KCNC2: variants seen among roughly 807,000 people sequenced by gnomAD.
KCNC2 encodes potassium voltage-gated channel subfamily C member 2, also known as voltage-gated potassium channel KCNC2.
In KCNC2, 21 loss-of-function variants were observed where a neutral mutation model predicts 44.5. The ratio of observed to expected loss-of-function variants is 0.47; its 90% CI spans 0.33 to 0.68. The LOEUF is 0.68. Among genes scored for constraint, KCNC2 ranks in the 30% least tolerant of loss-of-function variants. KCNC2 has a pLI of 0.01. For synonymous variants in KCNC2, 391 were observed against 339.1 expected, an observed-to-expected ratio of 1.15 and a Z score of -1.68; for missense variants, 589 against 826.2, an observed-to-expected ratio of 0.71 and a Z score of 3.52.
At chr12:75,059,173 C>A (rs964807103) in intron 2 of KCNC2, among the ~76,000 whole-genome samples, 22 of 152,044 alleles carry the variant, frequency 1.4e-4, no homozygotes, top group Admixed American at 1.1e-3. Context: ...TATTTAAAAT[C>A]TATAAGAGAT....
In KCNC2 at chr12:75,042,877, G is replaced by A. The variant is rs776233367; in HGVS notation, c.*228C>T. On this transcript the variant is annotated 3_prime_UTR_variant, in exon 5 of 5. Coordinates refer to ENST00000549446, the MANE Select transcript of KCNC2 (RefSeq NM_139137.4). ...TCATTTTATTGCAAAAGGATATCAG[G>A]GCAATTAATAGGAGGGATCTTAGCA... The A allele has an allele frequency of 1.4e-4, 184 of 1,322,700 alleles. No homozygotes were observed. Among genetic ancestry groups the A allele is most frequent in the Non-Finnish European group, 1.7e-4 (178 of 1,038,174 alleles). 81.9% of individuals were successfully genotyped at this position (1,322,700 alleles called of 1,614,324 possible). A position where few individuals can be genotyped will look rare whatever the true frequency, so the allele number is the denominator to read the frequency against.
chr12:75,196,779 A>T (rs2030805107), intron 2 of KCNC2, among the ~76,000 whole-genome samples: 1 of 149,634 alleles, frequency 6.7e-6, no homozygotes, highest in African/African-American at 2.5e-5. Context: ...TAACTCCTTG[A>T]CTAAGAAGAC....
chr12:75,170,149 A>G (rs1004834075), intron 2 of KCNC2, among the ~76,000 whole-genome samples: 2 of 151,768 alleles, frequency 1.3e-5, no homozygotes, highest in African/African-American at 4.8e-5. Context: ...GAATATAACA[A>G]AAAAGTAGAT....
At chr12:75,180,609 T>A (rs564914261) in intron 2 of KCNC2, among the ~76,000 whole-genome samples, 23 of 152,010 alleles carry the variant, frequency 1.5e-4, no homozygotes, top group African/African-American at 5.3e-4. Flanking sequence ...TTTTGGTAGA[T>A]CAATATTTTA....
At chr12:75,174,981 G>T (rs575476594) in intron 2 of KCNC2, among the ~76,000 whole-genome samples, 2 of 152,044 alleles carry the variant, frequency 1.3e-5, no homozygotes, top group Non-Finnish European at 2.9e-5. Flanking sequence ...ATAAACACGT[G>T]CAGAGAACAG....
rs199706421 is a variant in KCNC2, at chr12:75,207,498, G to T, written c.486C>A (p.Ala162=). The change falls in exon 2 of 5, where the codon GCC becomes GCA. Residue 162 remains alanine, a synonymous_variant. Coordinates refer to ENST00000549446, the MANE Select transcript of KCNC2 (RefSeq NM_139137.4). The surrounding 1 kb of genome is among the most constrained non-coding windows in gnomAD (Gnocchi z 4.1). The part of the protein sequence containing the change: ...CWMTYRQHRD[A]EEALDIFETP... The stretch of plus-strand genomic sequence containing the variant: ...TCTCGAAGATGTCCAGCGCCTCCTC[G>T]GCGTCGCGGTGCTGCCGGTAGGTCA... 3.2e-4 allele frequency: 512 copies of T among 1,612,458 alleles called. 13 individuals carry two copies. In the South Asian group the frequency reaches 5.5e-3, roughly 17 times the overall value.
At chr12:75,177,902 C>G (rs995542961) in intron 2 of KCNC2, among the ~76,000 whole-genome samples, 1 of 151,904 alleles carries the variant, frequency 6.6e-6, no homozygotes, top group Non-Finnish European at 1.5e-5. Flanking sequence ...GTTGGAGATT[C>G]TCTTAAAAAG....
chr12:75,055,072 T>C (rs2136961796), intron 2 of KCNC2, among the ~76,000 whole-genome samples: 1 of 152,126 alleles, frequency 6.6e-6, no homozygotes, highest in South Asian at 2.1e-4. Flanking sequence ...GGGGAAGAGA[T>C]TTTATTTGTA....
At chr12:75,052,938 C>A (rs1881337025) in intron 2 of KCNC2, among the ~76,000 whole-genome samples, 2 of 152,080 alleles carry the variant, frequency 1.3e-5, no homozygotes, top group South Asian at 2.1e-4. Context: ...TTTCCAACTG[C>A]TCTAAGTTTT....
intron 2 of KCNC2, among the ~76,000 whole-genome samples, chr12:75,114,452 A>G (rs1368897047): frequency 6.6e-6 from 1 of 152,214 alleles, no homozygotes; most frequent in Non-Finnish European, 1.5e-5. Context: ...TGCTAGTAAC[A>G]GAGACATAGT....
At chr12:75,089,883 G>A (rs577802374) in intron 2 of KCNC2, among the ~76,000 whole-genome samples, 31 of 151,862 alleles carry the variant, frequency 2.0e-4, no homozygotes, top group South Asian at 1.9e-3. Context: ...AATAGTCGTC[G>A]TATTAAGCAA....
chr12:75,124,264 GT>G (rs1282269225), intron 2 of KCNC2, among the ~76,000 whole-genome samples: 6 of 152,110 alleles, frequency 3.9e-5, no homozygotes, highest in Non-Finnish European at 7.4e-5. Flanking sequence ...GTTTTTTAAA[GT>G]TAAAAGGCTC....
Position 75,207,793 on chromosome 12 carries a change from G to A in KCNC2, c.191C>T (p.Pro64Leu), listed in dbSNP as rs779685638. 4 of 1,595,182 alleles carry A rather than the reference G, an allele frequency of 2.5e-6. No individual in the cohort carries two copies. Among genetic ancestry groups the A allele is most frequent in the Admixed American group, 3.5e-5 (2 of 57,688 alleles). Reference sequence around the variant, plus strand: ...GGGGGACAGCGGGGGCGCTCTCGGCGGCGGCGACAGTGGAGGCGGCGACGG... The same window carrying A: ...GGGGGACAGCGGGGGCGCTCTCGGCAGCGGCGACAGTGGAGGCGGCGACGG... The part of the protein sequence containing the change: ...LQPSPPPLSP[P>L]PRAPPLSPGP... Residue 64 changes from proline (P) to leucine (L), a missense_variant, in exon 2 of 5, where the codon CCG (proline) becomes CTG (leucine). Coordinates refer to ENST00000549446, the MANE Select transcript of KCNC2 (RefSeq NM_139137.4). The surrounding 1 kb of genome is among the most constrained non-coding windows in gnomAD (Gnocchi z 4.1).
At chr12:75,208,072 C>T in intron 1 of KCNC2, 70 bp from the exon 2 acceptor site, 3 of 1,571,192 alleles carry the variant, frequency 1.9e-6, no homozygotes, top group East Asian at 2.3e-5. Flanking sequence ...ACCCCCACCA[C>T]CAACCCAGAG....
At chr12:75,114,573 G>A (rs1234298572) in intron 2 of KCNC2, among the ~76,000 whole-genome samples, 1 of 152,008 alleles carries the variant, frequency 6.6e-6, no homozygotes, top group Non-Finnish European at 1.5e-5. Context: ...AATATATCGG[G>A]GAAAGGAAAT....
intron 2 of KCNC2, among the ~76,000 whole-genome samples, chr12:75,186,277 C>T (rs1420869607): frequency 9.9e-5 from 15 of 151,998 alleles, no homozygotes; most frequent in Admixed American, 9.8e-4. Flanking sequence ...CCCTTCCATG[C>T]ATCTTGTGCC....
At chr12:75,200,121 A>G (rs2031114348) in intron 2 of KCNC2, among the ~76,000 whole-genome samples, 1 of 151,888 alleles carries the variant, frequency 6.6e-6, no homozygotes, top group Non-Finnish European at 1.5e-5. Flanking sequence ...GAACAATAAG[A>G]CATGGAAGGG....
chr12:75,152,380 A>G (rs576221294), intron 2 of KCNC2, among the ~76,000 whole-genome samples: 26 of 152,058 alleles, frequency 1.7e-4, no homozygotes, highest in African/African-American at 5.8e-4. Context: ...AAATAATAAT[A>G]GAAACCAAAA....
rs1216877021 is a variant in KCNC2, at chr12:75,043,366, T to G, written c.1781-125A>C. 4 of 1,428,598 alleles carry G rather than the reference T, an allele frequency of 2.8e-6. No individual in the cohort carries two copies. The East Asian group carries it at 1.0e-4, about 36-fold the overall frequency. The allele number at this position is 1,428,598 out of a possible 1,614,324, so 88.5% of individuals were successfully genotyped here. A position where few individuals can be genotyped will look rare whatever the true frequency, so the allele number is the denominator to read the frequency against. On this transcript the variant is annotated intron_variant, in intron 4 of 4. Coordinates refer to ENST00000549446, the MANE Select transcript of KCNC2 (RefSeq NM_139137.4). Reference sequence around the variant, plus strand: ...AAAGAAGAATTTGTTTACAAAGAATTTAATATTGAGACAATTTATAACTCT... The same window carrying G: ...AAAGAAGAATTTGTTTACAAAGAATGTAATATTGAGACAATTTATAACTCT...
Sources: allele counts gnomAD v4.1 joint callset (sites outside exome capture counted in the v4.1 genomes callset), GRCh38; gene constraint gnomAD v4.1.1; non-coding constraint Gnocchi (gnomAD v3.1); transcripts MANE v1.5; gene names NCBI Gene and HGNC (gene_info 2026-07-23, HGNC 2026-07-21).